Variants in ASTN2 observed in about 807,000 individuals in gnomAD.
ASTN2 encodes the protein astrotactin 2.
Under a neutral mutation model 139.8 loss-of-function variants are expected in ASTN2, and 54 were observed. The observed-to-expected ratio is 0.39, with a 90% confidence interval of 0.31 to 0.48. The LOEUF is 0.48. Ranked by LOEUF, ASTN2 falls within the 20% of genes least tolerant of loss-of-function variation. ASTN2 has a pLI of 0.95. For synonymous variants in ASTN2, 756 were observed against 719.5 expected, an observed-to-expected ratio of 1.05 and a Z score of -0.81; for missense variants, 1,565 against 1,725.1, an observed-to-expected ratio of 0.91 and a Z score of 1.64.
At chr9:117,095,540 T>A (rs918449912) in intron 5 of ASTN2, among the ~76,000 whole-genome samples, 5 of 150,594 alleles carry the variant, frequency 3.3e-5, no homozygotes, top group African/African-American at 1.2e-4. Flanking sequence ...GTCTGGTAAG[T>A]AAAATTTCCT....
intron 11 of ASTN2, among the ~76,000 whole-genome samples, chr9:116,838,259 A>G (rs547278502): frequency 2.0e-5 from 3 of 151,378 alleles, no homozygotes; most frequent in Non-Finnish European, 4.4e-5. Context: ...ACAGGCATGC[A>G]CCAACACGCC....
At chr9:117,018,796 C>A (rs1300385627) in intron 6 of ASTN2, among the ~76,000 whole-genome samples, 1 of 152,116 alleles carries the variant, frequency 6.6e-6, no homozygotes. Context: ...TCATTGAATG[C>A]ACATGGAAAA....
At chr9:117,205,578 A>C (rs1016180720) in intron 3 of ASTN2, among the ~76,000 whole-genome samples, 6 of 151,992 alleles carry the variant, frequency 3.9e-5, no homozygotes, top group Non-Finnish European at 5.9e-5. Flanking sequence ...TGAAAAAAAA[A>C]CCTACTTTTT....
chr9:116,871,303 TTTTTA>T (rs1833160105), intron 10 of ASTN2, among the ~76,000 whole-genome samples: 1 of 152,200 alleles, frequency 6.6e-6, no homozygotes, highest in African/African-American at 2.4e-5. Context: ...CAGCTCAGTT[TTTTTA>T]TTTTAAAGAA....
At chr9:116,855,783 T>C (rs1226707779) in intron 11 of ASTN2, among the ~76,000 whole-genome samples, 3 of 152,184 alleles carry the variant, frequency 2.0e-5, no homozygotes, top group Admixed American at 6.5e-5. Context: ...CTCTATTTCC[T>C]CATGGATAAA....
At position 116,608,916 on chromosome 9, in the gene ASTN2, A is replaced by T. The variant is rs555524974; in HGVS notation, c.3355+9408T>A. Among the ~76,000 whole-genome samples, 5 of 152,332 alleles carry T rather than the reference A, an allele frequency of 3.3e-5. No individual in the cohort carries two copies. In the East Asian group the frequency reaches 9.6e-4, roughly 29 times the overall value. ...AATAGAATATATTAACAAGACTCAC[A>T]TTGGACTTCCAAAGGTGAAAATTAC... is the stretch of plus-strand genomic sequence containing the variant. On this transcript the variant is annotated intron_variant, in intron 19 of 22. Transcript: ENST00000313400.
At chr9:116,654,881 T>C (rs546004915) in intron 16 of ASTN2, among the ~76,000 whole-genome samples, 4 of 152,208 alleles carry the variant, frequency 2.6e-5, no homozygotes, top group Non-Finnish European at 5.9e-5. Context: ...GGGTTAAATA[T>C]ATAACTATCC....
chr9:116,524,856 CAAA>C (rs1030586299), intron 19 of ASTN2, among the ~76,000 whole-genome samples: 3 of 151,984 alleles, frequency 2.0e-5, no homozygotes, highest in African/African-American at 7.3e-5. Context: ...ATCTCTGATC[CAAA>C]AAAGCTTCAA....
At chr9:116,975,122 C>T in intron 10 of ASTN2, 86 bp downstream of exon 10, 1 of 1,398,948 alleles carries the variant, frequency 7.1e-7, no homozygotes, top group Non-Finnish European at 9.5e-7. Context: ...CAAGAACACT[C>T]CTTAGGGGTT....
chr9:116,975,489 C>A, intron 9 of ASTN2, 144 bp from the exon 10 acceptor site: 2 of 734,444 alleles, frequency 2.7e-6, no homozygotes, highest in Non-Finnish European at 4.1e-6. Flanking sequence ...CAATGTTGGC[C>A]AACTTTCTCC....
At chr9:117,258,587 G>T (rs186630653) in intron 2 of ASTN2, among the ~76,000 whole-genome samples, 1 of 152,202 alleles carries the variant, frequency 6.6e-6, no homozygotes, top group East Asian at 1.9e-4. Flanking sequence ...GCCATGCTTT[G>T]CTTGCTTGTA....
chr9:117,188,489 T>C (rs1266649372), intron 3 of ASTN2, among the ~76,000 whole-genome samples: 1 of 152,132 alleles, frequency 6.6e-6, no homozygotes, highest in Admixed American at 6.5e-5. Context: ...CACTGGCCTC[T>C]ACTTCAGTAT....
chr9:116,901,398 G>T (rs1055049709), intron 10 of ASTN2, among the ~76,000 whole-genome samples: 2 of 152,156 alleles, frequency 1.3e-5, no homozygotes, highest in African/African-American at 4.8e-5. Flanking sequence ...TATGGCTGTA[G>T]TCCCAGGTAC....
chr9:117,066,411 T>G (rs1827945893), intron 5 of ASTN2, among the ~76,000 whole-genome samples: 1 of 148,266 alleles, frequency 6.7e-6, no homozygotes, highest in African/African-American at 2.5e-5. Flanking sequence ...CTTAATCCAG[T>G]CTATCATTGT....
intron 22 of ASTN2, among the ~76,000 whole-genome samples, chr9:116,433,613 A>G (rs1181676993): frequency 6.6e-6 from 1 of 152,242 alleles, no homozygotes; most frequent in Non-Finnish European, 1.5e-5. Flanking sequence ...AGGTATTTTC[A>G]TTTTAAACTA....
At chr9:116,596,902 AG>A (rs1414209947) in intron 19 of ASTN2, among the ~76,000 whole-genome samples, 1 of 152,110 alleles carries the variant, frequency 6.6e-6, no homozygotes, top group Non-Finnish European at 1.5e-5. Flanking sequence ...TTCAAAGCAG[AG>A]GGAGGTAGAT....
chr9:116,449,762 G>A (rs938806477), intron 20 of ASTN2, among the ~76,000 whole-genome samples: 3 of 152,104 alleles, frequency 2.0e-5, no homozygotes, highest in Admixed American at 6.6e-5. Flanking sequence ...GTGAGCCTCC[G>A]TATAAGAAAT....
intron 22 of ASTN2, among the ~76,000 whole-genome samples, chr9:116,438,588 T>A (rs1847730988): frequency 1.3e-5 from 2 of 152,106 alleles, no homozygotes; most frequent in Non-Finnish European, 2.9e-5. Context: ...CAAAAATGAA[T>A]CATGTGTGCA....
chr9:117,253,202 C>A (rs1193307248), intron 2 of ASTN2, among the ~76,000 whole-genome samples: 1 of 152,186 alleles, frequency 6.6e-6, no homozygotes, highest in East Asian at 1.9e-4. Flanking sequence ...CTTGATAAGG[C>A]TTTTCTTCCT....
Sources: allele counts gnomAD v4.1 joint callset (sites outside exome capture counted in the v4.1 genomes callset), GRCh38; gene constraint gnomAD v4.1.1; transcripts MANE v1.5; gene names NCBI Gene and HGNC (gene_info 2026-07-23, HGNC 2026-07-21).